Variants in SLCO3A1 observed in about 807,000 individuals in gnomAD.
The protein encoded by SLCO3A1 is PGE1 transporter.
In SLCO3A1, 27 loss-of-function variants were observed where a neutral mutation model predicts 63.1. That is an observed-to-expected ratio of 0.43 (90% confidence interval 0.32 to 0.59). The LOEUF (loss-of-function observed/expected upper bound fraction) is 0.59, where lower values mean the gene tolerates loss of function less well. Ranked by LOEUF, SLCO3A1 falls within the 20% of genes least tolerant of loss-of-function variation. The pLI is 0.09. For synonymous variants in SLCO3A1, 473 were observed against 409.9 expected (o/e 1.15, Z -1.86); for missense variants, 773 against 945.8 (o/e 0.82, Z 2.40).
At chr15:91,866,507 CTG>C (rs1897167472) in intron 1 of SLCO3A1, among the ~76,000 whole-genome samples, 1 of 150,114 alleles carries the variant, frequency 6.7e-6, no homozygotes, top group South Asian at 2.1e-4. Flanking sequence ...TCATCCATCT[CTG>C]TGGTTTTTTT....
At chr15:91,973,173 G>T (rs753229842) in intron 2 of SLCO3A1, among the ~76,000 whole-genome samples, 10 of 152,312 alleles carry the variant, frequency 6.6e-5, no homozygotes, top group Middle Eastern at 3.4e-3. Flanking sequence ...AGGCAAAAGG[G>T]TGGGGATTGC....
chr15:91,993,391 C>G (rs546992951), intron 2 of SLCO3A1, among the ~76,000 whole-genome samples: 1 of 152,114 alleles, frequency 6.6e-6, no homozygotes, highest in Non-Finnish European at 1.5e-5. Context: ...AATTTGAGAA[C>G]TAATTTATAG....
intron 2 of SLCO3A1, among the ~76,000 whole-genome samples, chr15:92,025,891 G>GT (rs1397194159): frequency 1.3e-5 from 2 of 152,214 alleles, no homozygotes; most frequent in Non-Finnish European, 1.5e-5. Context: ...TGGTACACGG[G>GT]TTTCTAAGTT....
At chr15:92,107,386 T>A (rs886227877) in intron 4 of SLCO3A1, among the ~76,000 whole-genome samples, 3 of 152,322 alleles carry the variant, frequency 2.0e-5, no homozygotes, top group East Asian at 3.9e-4. Flanking sequence ...TTTACATGAT[T>A]TATTTCTCCA....
At chr15:92,041,604 T>C (rs2046797551) in intron 2 of SLCO3A1, among the ~76,000 whole-genome samples, 1 of 152,188 alleles carries the variant, frequency 6.6e-6, no homozygotes. Context: ...AGATGTCAGG[T>C]TTCACTGAAT....
At chr15:92,109,680 G>C (rs1026684616) in intron 4 of SLCO3A1, among the ~76,000 whole-genome samples, 5 of 152,240 alleles carry the variant, frequency 3.3e-5, no homozygotes, top group African/African-American at 1.2e-4. Flanking sequence ...GCAGGTGCCA[G>C]CTGAGTGGGC....
chr15:92,149,769 A>G (rs28428520), intron 8 of SLCO3A1: 5 of 152,226 alleles, frequency 3.3e-5, no homozygotes, highest in Admixed American at 3.3e-4. Context: ...CTTTGTTCCT[A>G]GTGACATATG....
chr15:92,172,382 A>G (rs937647893), exon 11 of SLCO3A1: 1 of 152,868 alleles, frequency 6.5e-6, no homozygotes, highest in African/African-American at 2.4e-5. Flanking sequence ...TGTGATGTAA[A>G]GTACATACTG....
At chr15:92,133,447 T>C (rs2048020553) in intron 7 of SLCO3A1, among the ~76,000 whole-genome samples, 1 of 146,116 alleles carries the variant, frequency 6.8e-6, no homozygotes, top group South Asian at 2.2e-4. Flanking sequence ...TCTGCGGTAC[T>C]GGTACTGTTG....
intron 2 of SLCO3A1, among the ~76,000 whole-genome samples, chr15:92,036,984 T>G (rs542273036): frequency 1.3e-5 from 2 of 152,284 alleles, no homozygotes; most frequent in Non-Finnish European, 1.5e-5. Flanking sequence ...TCATAAATAA[T>G]AAATGAATGC....
At chr15:91,935,574 T>G (rs1390839192) in intron 2 of SLCO3A1, among the ~76,000 whole-genome samples, 2 of 152,192 alleles carry the variant, frequency 1.3e-5, no homozygotes, top group Non-Finnish European at 2.9e-5. Flanking sequence ...TGTTTGCAAG[T>G]ATGATGTGCT....
At chr15:92,168,146 A>G (rs1228737066), downstream of SLCO3A1, among the ~76,000 whole-genome samples, 1 of 152,228 alleles carries the variant, frequency 6.6e-6, no homozygotes, top group Non-Finnish European at 1.5e-5. Context: ...TAATAGTATT[A>G]AGAGCTAGGG....
intron 2 of SLCO3A1, among the ~76,000 whole-genome samples, chr15:92,056,243 TATCCTTGA>T (rs2151501865): frequency 6.6e-6 from 1 of 152,268 alleles, no homozygotes; most frequent in South Asian, 2.1e-4. Context: ...TGAAGAGCAT[TATCCTTGA>T]AGGCAAAATA....
rs1051118483 is a variant in SLCO3A1, at chr15:91,894,831, G to T, written c.181-21162G>T. Among the ~76,000 whole-genome samples the T allele has an allele frequency of 6.6e-6, 1 of 152,118 alleles. No homozygotes were observed. Among genetic ancestry groups the T allele is most frequent in the Non-Finnish European group, 1.5e-5 (1 of 68,006 alleles). On this transcript the variant is annotated intron_variant, in intron 1 of 9. Coordinates refer to ENST00000318445, the MANE Select transcript of SLCO3A1 (RefSeq NM_013272.4). This position sits in a 1 kb window ranked among gnomAD's most constrained non-coding sequence, Gnocchi z 4.8. ...CTGCACATGCTTCTGCCACACAGAG[G>T]CACAGAACAGTGAAACCCCCGGAGG...
rs987376527 is a variant in SLCO3A1 at position 91,942,607 on chromosome 15, C to T, written c.646+26149C>T. Among the ~76,000 whole-genome samples, 1 of 152,106 alleles carries T rather than the reference C, an allele frequency of 6.6e-6. No homozygotes were observed. Among genetic ancestry groups the T allele is most frequent in the Non-Finnish European group, 1.5e-5 (1 of 68,022 alleles). ...TTTGTTTGTTTGTTTGTTTCGAGAC[C>T]GAGTCTTGCTCTGTCGACCAGGCTG... is the stretch of plus-strand genomic sequence containing the variant. On this transcript the variant is annotated intron_variant, in intron 2 of 9. Transcript: ENST00000318445. The surrounding 1 kb of genome is among the most constrained non-coding windows in gnomAD (Gnocchi z 4.1).
rs117352836 is a variant in SLCO3A1 at position 92,009,769 on chromosome 15, G to A, written c.647-85112G>A. Among the ~76,000 whole-genome samples, 920 of 152,318 alleles carry A rather than the reference G, an allele frequency of 6.0e-3. 3 individuals carry two copies. The highest frequency in any genetic ancestry group is 0.011 in the Non-Finnish European group (717 of 68,030). On this transcript the variant is annotated intron_variant, in intron 2 of 9. Coordinates refer to ENST00000318445, the MANE Select transcript of SLCO3A1 (RefSeq NM_013272.4). Reference sequence around the variant, plus strand: ...GCTACTATCAGTGTGGAGTTGTAATGAGGACCAAAGAGAAGTAACATGAAG... The same window carrying A: ...GCTACTATCAGTGTGGAGTTGTAATAAGGACCAAAGAGAAGTAACATGAAG...
In SLCO3A1 at chr15:92,045,713, T is replaced by C. The variant is rs188608006; in HGVS notation, c.647-49168T>C. Among the ~76,000 whole-genome samples, 661 of 152,316 alleles carry C rather than the reference T, an allele frequency of 4.3e-3. 6 individuals carry two copies. The highest frequency in any genetic ancestry group is 0.015 in the African/African-American group (635 of 41,552). ...CATTTGTTTTGGACATTATATGATT[T>C]AGAATTTTTTGTAATGCAGAGGCAA... On this transcript the variant is annotated intron_variant, in intron 2 of 9. Coordinates refer to ENST00000318445, the MANE Select transcript of SLCO3A1 (RefSeq NM_013272.4).
intron 1 of SLCO3A1, among the ~76,000 whole-genome samples, chr15:91,888,628 A>C (rs558321498): frequency 6.6e-6 from 1 of 152,268 alleles, no homozygotes; most frequent in East Asian, 1.9e-4. Flanking sequence ...TAACCTGTAA[A>C]AGTGCTTAAC....
chr15:91,903,674 C>T (rs1898218916), intron 1 of SLCO3A1, among the ~76,000 whole-genome samples: 1 of 152,122 alleles, frequency 6.6e-6, no homozygotes, highest in African/African-American at 2.4e-5. Context: ...GGCATATGTC[C>T]TACGCAGCTG....
Sources: allele counts gnomAD v4.1 joint callset (sites outside exome capture counted in the v4.1 genomes callset), GRCh38; gene constraint gnomAD v4.1.1; non-coding constraint Gnocchi (gnomAD v3.1); transcripts MANE v1.5; gene names NCBI Gene and HGNC (gene_info 2026-07-23, HGNC 2026-07-21).